Variants in PEX7 observed in about 807,000 individuals in gnomAD.
The protein encoded by PEX7 is PTS2 receptor.
In PEX7, 34 loss-of-function variants were observed where a neutral mutation model predicts 47.5. The ratio of observed to expected loss-of-function variants is 0.72; its 90% confidence interval spans 0.54 to 0.95. PEX7 has a LOEUF of 0.95. PEX7 is among the 40% of genes least tolerant of loss of function. The pLI is 0.00. For missense variants in PEX7, 394 were observed against 400.3 expected (o/e 0.98, Z 0.13); for synonymous variants, 141 against 148.8 (o/e 0.95, Z 0.38).
intron 8 of PEX7, among the ~76,000 whole-genome samples, chr6:136,874,222 C>T (rs992756015): frequency 1.3e-5 from 2 of 152,182 alleles, no homozygotes; most frequent in Non-Finnish European, 1.5e-5. Flanking sequence ...TAGGATTGCT[C>T]TGCAAAACTA....
At chr6:136,830,072 A>C (rs1469559417) in intron 3 of PEX7, 1 of 714,918 alleles carries the variant, frequency 1.4e-6, no homozygotes, top group Non-Finnish European at 2.6e-6. Flanking sequence ...TCTGTGGAAG[A>C]GAGTATATAA....
chr6:136,852,359 G>A (rs1356448271), intron 5 of PEX7, among the ~76,000 whole-genome samples: 1 of 129,612 alleles, frequency 7.7e-6, no homozygotes, highest in Non-Finnish European at 1.6e-5. Flanking sequence ...AGGAAAAGAG[G>A]AAGTCAAATT....
intron 1 of PEX7, 127 bp from the exon 2 acceptor site, chr6:136,825,087 A>G (rs1774163011): frequency 5.3e-6 from 4 of 761,298 alleles, no homozygotes; most frequent in African/African-American, 3.5e-5. Context: ...TTGGTATTCA[A>G]GGTCCCAAAT....
At chr6:136,847,355 C>G (rs1006582634) in intron 5 of PEX7, among the ~76,000 whole-genome samples, 1 of 151,536 alleles carries the variant, frequency 6.6e-6, no homozygotes, top group Admixed American at 6.6e-5. Context: ...TTAATTAGAT[C>G]CCATTTGTCA....
At chr6:136,835,743 A>T (rs1177586482) in intron 3 of PEX7, among the ~76,000 whole-genome samples, 1 of 152,194 alleles carries the variant, frequency 6.6e-6, no homozygotes, top group African/African-American at 2.4e-5. Context: ...GACCTTCGTA[A>T]GTGTGTTATC....
intron 5 of PEX7, among the ~76,000 whole-genome samples, chr6:136,854,138 T>A (rs1049964657): frequency 6.6e-6 from 1 of 152,170 alleles, no homozygotes; most frequent in African/African-American, 2.4e-5. Context: ...TTAATATATT[T>A]AATTTGAATC....
chr6:136,892,876 C>A (rs1321363275), intron 8 of PEX7, among the ~76,000 whole-genome samples: 1 of 152,188 alleles, frequency 6.6e-6, no homozygotes, highest in Admixed American at 6.5e-5. Flanking sequence ...AACTTTTCTT[C>A]ATCATCACAG....
In PEX7 at chr6:136,823,419, C is replaced by T. The variant is rs546498551; in HGVS notation, c.130+624C>T. On this transcript the variant is annotated intron_variant, in intron 1 of 9. Transcript: ENST00000318471. ...CTCCAGTTAATTGTCTCCCGTCGCG[C>T]GCATTGGCTCAGCCTGTGGTTAAAG... 5.2e-5 allele frequency: 48 copies of T among 918,068 alleles called. 1 individual carries two copies. The South Asian group carries it at 1.9e-3, about 36-fold the overall frequency. 56.9% of individuals were successfully genotyped at this position (918,068 alleles called of 1,614,324 possible).
At chr6:136,853,423 T>G (rs1048302080) in intron 5 of PEX7, among the ~76,000 whole-genome samples, 4 of 152,110 alleles carry the variant, frequency 2.6e-5, no homozygotes, top group Non-Finnish European at 5.9e-5. Flanking sequence ...CCTCTTTCAG[T>G]TATGCAGCAT....
chr6:136,883,697 A>C (rs1167882528), intron 8 of PEX7, among the ~76,000 whole-genome samples: 1 of 152,110 alleles, frequency 6.6e-6, no homozygotes, highest in Non-Finnish European at 1.5e-5. Context: ...TTAGGCCTGC[A>C]TATTCAGCTG....
At chr6:136,856,851 A>C (rs1377519397) in intron 5 of PEX7, among the ~76,000 whole-genome samples, 1 of 152,242 alleles carries the variant, frequency 6.6e-6, no homozygotes, top group African/African-American at 2.4e-5. Context: ...ATGAAAATCA[A>C]GTACTGGACC....
intron 8 of PEX7, among the ~76,000 whole-genome samples, chr6:136,889,019 C>T (rs1348055345): frequency 1.3e-5 from 2 of 152,022 alleles, no homozygotes. Flanking sequence ...TTTTTTTCTA[C>T]AAATCAAGTG....
chr6:136,869,617 A>G (rs1333968024), intron 6 of PEX7, among the ~76,000 whole-genome samples: 1 of 152,122 alleles, frequency 6.6e-6, no homozygotes, highest in Admixed American at 6.5e-5. Flanking sequence ...AAAATCCACA[A>G]TGCTGTTTGG....
At chr6:136,868,209 T>C (rs929703590) in intron 6 of PEX7, among the ~76,000 whole-genome samples, 2 of 152,210 alleles carry the variant, frequency 1.3e-5, no homozygotes, top group Non-Finnish European at 2.9e-5. Flanking sequence ...AAGTACACTC[T>C]GTGATGTTCA....
chr6:136,893,677 C>T (rs1775596213), intron 8 of PEX7, among the ~76,000 whole-genome samples: 1 of 152,208 alleles, frequency 6.6e-6, no homozygotes. Flanking sequence ...TTGCTCCTTG[C>T]TCTAAAGACT....
intron 8 of PEX7, among the ~76,000 whole-genome samples, chr6:136,875,772 A>G (rs1775260206): frequency 6.6e-6 from 1 of 152,198 alleles, no homozygotes; most frequent in Non-Finnish European, 1.5e-5. Flanking sequence ...ATCTCCTATC[A>G]TTAGCAGGCT....
chr6:136,827,504 TTG>T (rs5880309), intron 3 of PEX7, among the ~76,000 whole-genome samples: 11,294 of 140,822 alleles, frequency 0.08, 771 homozygotes, highest in African/African-American at 0.2. Context: ...CTGTGTGAAT[TTG>T]TGTGTGTGTG....
At chr6:136,825,436 T>G (rs1774170113) in intron 2 of PEX7, among the ~76,000 whole-genome samples, 165 bp downstream of exon 2, 1 of 152,188 alleles carries the variant, frequency 6.6e-6, no homozygotes, top group African/African-American at 2.4e-5. Flanking sequence ...TGCGCACCTG[T>G]AGTCCCAGCT....
chr6:136,854,812 C>A (rs537850915), intron 5 of PEX7, among the ~76,000 whole-genome samples: 1 of 152,186 alleles, frequency 6.6e-6, no homozygotes, highest in African/African-American at 2.4e-5. Flanking sequence ...TGAGGCCAGG[C>A]ATGGTGGCTC....
Sources: allele counts gnomAD v4.1 joint callset (sites outside exome capture counted in the v4.1 genomes callset), GRCh38; gene constraint gnomAD v4.1.1; transcripts MANE v1.5; gene names NCBI Gene and HGNC (gene_info 2026-07-23, HGNC 2026-07-21).